PRKCA: variants seen among roughly 807,000 people sequenced by gnomAD.
The protein encoded by PRKCA is protein kinase C alpha type.
In PRKCA, 27 loss-of-function variants were observed where a neutral mutation model predicts 87.0. That is an observed-to-expected ratio of 0.31 (90% confidence interval 0.23 to 0.43). The LOEUF (loss-of-function observed/expected upper bound fraction) is 0.43, where lower values mean the gene tolerates loss of function less well. Ranked by LOEUF, PRKCA falls within the 20% of genes least tolerant of loss-of-function variation. The pLI, the probability that PRKCA is intolerant of heterozygous loss-of-function variation, is 1.00. For synonymous variants in PRKCA, 329 were observed against 311.1 expected (o/e 1.06, Z -0.61); for missense variants, 518 against 852.3 (o/e 0.61, Z 4.88).
At chr17:66,591,630 T>C (rs556630970) in intron 3 of PRKCA, among the ~76,000 whole-genome samples, 1 of 152,206 alleles carries the variant, frequency 6.6e-6, no homozygotes. Flanking sequence ...CCCACTTTGG[T>C]GGTTTAATTA....
chr17:66,375,143 G>A (rs974450490), intron 2 of PRKCA, among the ~76,000 whole-genome samples: 45 of 152,154 alleles, frequency 3.0e-4, no homozygotes, highest in African/African-American at 1.1e-3. Context: ...TATATTCGGT[G>A]GAAGATTTCA....
chr17:66,333,469 G>A (rs916725056), intron 2 of PRKCA, among the ~76,000 whole-genome samples: 7 of 152,146 alleles, frequency 4.6e-5, no homozygotes, highest in Non-Finnish European at 7.3e-5. Context: ...CTGCATTAAC[G>A]TGATTTGAAG....
At chr17:66,700,731 A>G (rs1423993164) in intron 8 of PRKCA, among the ~76,000 whole-genome samples, 1 of 152,224 alleles carries the variant, frequency 6.6e-6, no homozygotes, top group Non-Finnish European at 1.5e-5. Flanking sequence ...TTAAGAATAA[A>G]TTTAACCGAG....
intron 3 of PRKCA, among the ~76,000 whole-genome samples, chr17:66,624,330 T>C (rs1178456111): frequency 6.6e-6 from 1 of 152,144 alleles, no homozygotes; most frequent in Admixed American, 6.5e-5. Flanking sequence ...TCTTGGCCAG[T>C]TATCTCCAGA....
chr17:66,766,875 G>A (rs527757312), intron 13 of PRKCA, among the ~76,000 whole-genome samples: 80 of 152,038 alleles, frequency 5.3e-4, no homozygotes, highest in African/African-American at 1.9e-3. Flanking sequence ...GTGGGGACTG[G>A]CTTTAACCAA....
At chr17:66,413,253 T>C (rs752143735) in intron 2 of PRKCA, among the ~76,000 whole-genome samples, 7 of 152,148 alleles carry the variant, frequency 4.6e-5, no homozygotes, top group Non-Finnish European at 4.4e-5. Context: ...CAAATACTTA[T>C]ATTTGCTGAT....
intron 2 of PRKCA, chr17:66,412,551 A>G (rs995172530): frequency 1.3e-5 from 2 of 152,200 alleles, no homozygotes; most frequent in African/African-American, 4.8e-5. Flanking sequence ...CCCTTGGAAA[A>G]TGGGAGAGTC....
chr17:66,724,715 A>G (rs1338423571), intron 8 of PRKCA, among the ~76,000 whole-genome samples: 1 of 152,016 alleles, frequency 6.6e-6, no homozygotes, highest in Non-Finnish European at 1.5e-5. Flanking sequence ...ATGCCAGCAC[A>G]CTTACTCTTC....
rs140490983 is a variant in PRKCA, at chr17:66,685,120, C to T, written c.530-1991C>T. On this transcript the variant is annotated intron_variant, in intron 5 of 16. Transcript: ENST00000413366. ...AGCATGATAAGAGTGGAAAGGAGTCCGGAACATCATGCCTGGGGTATAGTG... is the reference window on the plus strand; with the variant it reads ...AGCATGATAAGAGTGGAAAGGAGTCTGGAACATCATGCCTGGGGTATAGTG... Among the ~76,000 whole-genome samples the T allele has an allele frequency of 2.8e-3, 432 of 152,222 alleles. 3 individuals carry two copies. Among genetic ancestry groups the T allele is most frequent in the African/African-American group, 9.5e-3 (395 of 41,514 alleles).
At chr17:66,458,621 C>G (rs1598689981) in intron 2 of PRKCA, among the ~76,000 whole-genome samples, 1 of 152,088 alleles carries the variant, frequency 6.6e-6, no homozygotes, top group Admixed American at 6.5e-5. Context: ...GCTGAGACTA[C>G]AGGCATGCAC....
At chr17:66,676,902 A>G (rs1485408283) in intron 5 of PRKCA, 2 of 152,132 alleles carry the variant, frequency 1.3e-5, no homozygotes, top group African/African-American at 4.8e-5. Flanking sequence ...TTTATAGCAC[A>G]AGGTGAAAGT....
At chr17:66,765,540 TTATATATATATGTCTTTA>T (rs1293687231) in intron 13 of PRKCA, among the ~76,000 whole-genome samples, 5 of 145,288 alleles carry the variant, frequency 3.4e-5, no homozygotes, top group African/African-American at 1.0e-4. Context: ...ATATATGTCT[TTATATATATATGTCTTTA>T]TATATATATA....
chr17:66,805,044 G>A lies in PRKCA; in HGVS notation c.*1007G>A, dbSNP rs770287399. The A allele has an allele frequency of 6.1e-5, 60 of 983,138 alleles. No individual in the cohort carries two copies. Among genetic ancestry groups the A allele is most frequent in the Non-Finnish European group, 6.9e-5 (57 of 827,878 alleles). The allele number at this position is 983,138 out of a possible 1,614,324, so 60.9% of individuals were successfully genotyped here. On this transcript the variant is annotated 3_prime_UTR_variant, in exon 17 of 17. Coordinates refer to ENST00000413366, the MANE Select transcript of PRKCA (RefSeq NM_002737.3). ...GTCGCTTATGAAAGTACGATGTACA[G>A]TAACTTAATGGAAGTGCTGACTCTA...
At chr17:66,342,926 G>A (rs371759083) in intron 2 of PRKCA, among the ~76,000 whole-genome samples, 2 of 152,146 alleles carry the variant, frequency 1.3e-5, no homozygotes, top group African/African-American at 4.8e-5. Context: ...GGCTAGAATG[G>A]TTTTTGCTTA....
intron 11 of PRKCA, among the ~76,000 whole-genome samples, chr17:66,739,771 A>AG: frequency 6.7e-6 from 1 of 149,330 alleles, no homozygotes; most frequent in Non-Finnish European, 1.5e-5. Flanking sequence ...GGGCGGGGGA[A>AG]GGGGGGAACG....
chr17:66,781,488 G>C (rs1047718942), intron 14 of PRKCA, among the ~76,000 whole-genome samples: 1 of 152,196 alleles, frequency 6.6e-6, no homozygotes, highest in Non-Finnish European at 1.5e-5. Context: ...CTTATGCTTT[G>C]GAGATGGTCT....
Position 66,485,687 on chromosome 17 carries a change from G to A in PRKCA, c.206-10514G>A, listed in dbSNP as rs545285702. ...GTCCATACTGCCGGCAGACCTACAT[G>A]CTTATAGATGTGAGTGACATTGAAG... On this transcript the variant is annotated intron_variant, in intron 2 of 16. Coordinates refer to ENST00000413366, the MANE Select transcript of PRKCA (RefSeq NM_002737.3). Among the ~76,000 whole-genome samples the A allele has an allele frequency of 5.3e-5, 8 of 152,204 alleles. No individual in the cohort carries two copies. In the South Asian group the frequency reaches 1.7e-3, roughly 32 times the overall value.
intron 2 of PRKCA, among the ~76,000 whole-genome samples, chr17:66,312,514 C>T (rs1050304937): frequency 2.0e-5 from 3 of 152,184 alleles, no homozygotes; most frequent in Non-Finnish European, 2.9e-5. Flanking sequence ...CTTAAAGTCT[C>T]CTGCCTGACC....
intron 3 of PRKCA, among the ~76,000 whole-genome samples, chr17:66,634,038 A>G (rs1308282492): frequency 6.6e-6 from 1 of 152,244 alleles, no homozygotes; most frequent in African/African-American, 2.4e-5. Context: ...ACATATTGCA[A>G]ATGATAGCGG....
Sources: gnomAD v4.1 joint callset for allele counts (sites outside exome capture counted in the v4.1 genomes callset) on GRCh38, gnomAD v4.1.1 for gene constraint, MANE v1.5 for transcripts, NCBI Gene and HGNC (gene_info 2026-07-23, HGNC 2026-07-21) for gene names.